Variants in ZNF532 observed in about 807,000 individuals in gnomAD.
ZNF532 encodes the protein zinc finger protein 532.
Under a neutral mutation model 89.3 loss-of-function variants are expected in ZNF532, and 22 were observed. The observed-to-expected ratio is 0.25, with a 90% confidence interval of 0.18 to 0.35. ZNF532 has a LOEUF of 0.35. Among genes scored for constraint, ZNF532 ranks in the 10% least tolerant of loss-of-function variants. ZNF532 has a pLI of 1.00. For synonymous variants in ZNF532, 606 were observed against 649.6 expected (o/e 0.93, Z 1.02); for missense variants, 1,132 against 1,643.4 (o/e 0.69, Z 5.38).
intron 3 of ZNF532, among the ~76,000 whole-genome samples, chr18:58,930,024 C>A (rs553265432): frequency 6.6e-6 from 1 of 152,224 alleles, no homozygotes; most frequent in Non-Finnish European, 1.5e-5. Context: ...CCTTTAGCTC[C>A]AATGTTTCAT....
At chr18:58,864,834 G>A (rs1232887472), upstream of ZNF532, 2 of 152,200 alleles carry the variant, frequency 1.3e-5, no homozygotes, top group Non-Finnish European at 2.9e-5. Flanking sequence ...ACTGGTTTGA[G>A]GCAGATCAGC....
chr18:58,951,927 G>A (rs139154119), intron 6 of ZNF532, among the ~76,000 whole-genome samples: 31 of 152,278 alleles, frequency 2.0e-4, no homozygotes, highest in African/African-American at 6.7e-4. Flanking sequence ...GGGATTACAG[G>A]CGTGAGCCAC....
intron 2 of ZNF532, among the ~76,000 whole-genome samples, chr18:58,913,527 G>T (rs745700414): frequency 2.6e-5 from 4 of 152,044 alleles, no homozygotes; most frequent in Non-Finnish European, 5.9e-5. Context: ...GAGGCAGGAG[G>T]ATTGTTTGAG....
At chr18:58,983,872 A>G in intron 9 of ZNF532, 100 bp from the exon 10 acceptor site, 1 of 1,457,134 alleles carries the variant, frequency 6.9e-7, no homozygotes, top group East Asian at 2.3e-5. Context: ...AGCGTTCAGC[A>G]CAAGTTTTCC....
At chr18:58,952,602 C>T (rs1170427617) in intron 6 of ZNF532, among the ~76,000 whole-genome samples, 1 of 152,104 alleles carries the variant, frequency 6.6e-6, no homozygotes, top group Non-Finnish European at 1.5e-5. Flanking sequence ...GATGGGGTCT[C>T]TCTGTGTTGC....
intron 2 of ZNF532, among the ~76,000 whole-genome samples, chr18:58,892,071 A>G (rs1324553058): frequency 6.6e-6 from 1 of 152,248 alleles, no homozygotes; most frequent in Non-Finnish European, 1.5e-5. Context: ...CATTTTAAAC[A>G]TAAAAATTAT....
Position 58,919,039 on chromosome 18 carries a change from C to A in ZNF532, c.752C>A (p.Thr251Asn). Residue 251 changes from threonine to asparagine, a missense_variant, in exon 3 of 10, where the codon ACC becomes AAC. Coordinates refer to ENST00000591808, the MANE Select transcript of ZNF532 (RefSeq NM_001375912.1). The surrounding 1 kb of genome is among the most constrained non-coding windows in gnomAD (Gnocchi z 6.1). ...AAGCTGAGCTCCGAGAAGAATGACA[C>A]CAGCCTCCCCAGCGTTGCGCCATCA... Reference protein sequence around the residue: ...DGKLSSEKNDTSLPSVAPSKT... With the variant: ...DGKLSSEKNDNSLPSVAPSKT... 3 of 1,613,900 alleles carry A rather than the reference C, an allele frequency of 1.9e-6. No individual in the cohort carries two copies. Among genetic ancestry groups the A allele is most frequent in the East Asian group, 4.5e-5 (2 of 44,878 alleles).
intron 3 of ZNF532, among the ~76,000 whole-genome samples, chr18:58,921,635 C>T (rs547708347): frequency 6.6e-6 from 1 of 152,344 alleles, no homozygotes; most frequent in Non-Finnish European, 1.5e-5. Context: ...AATTACATTT[C>T]ACAGTGGGCA....
chr18:58,913,007 G>A (rs1467866461), intron 2 of ZNF532, among the ~76,000 whole-genome samples: 2 of 152,270 alleles, frequency 1.3e-5, no homozygotes, highest in Non-Finnish European at 1.5e-5. Flanking sequence ...GTCGACCTGC[G>A]TAGCTGAACC....
chr18:58,956,938 A>G (rs576704455), intron 7 of ZNF532, among the ~76,000 whole-genome samples: 1 of 152,324 alleles, frequency 6.6e-6, no homozygotes, highest in South Asian at 2.1e-4. Context: ...CTTCTCGTGT[A>G]CAGTATATAT....
intron 3 of ZNF532, among the ~76,000 whole-genome samples, chr18:58,924,806 CT>C (rs1328279846): frequency 1.3e-5 from 2 of 152,188 alleles, no homozygotes; most frequent in Admixed American, 1.3e-4. Context: ...TCCTTAACCC[CT>C]GGCAACCACT....
At chr18:58,900,635 C>T (rs1440035011) in intron 2 of ZNF532, among the ~76,000 whole-genome samples, 1 of 152,154 alleles carries the variant, frequency 6.6e-6, no homozygotes, top group Non-Finnish European at 1.5e-5. Flanking sequence ...CCTCCCTGTC[C>T]TCCTCCTCTT....
chr18:58,870,410 G>T (rs992187388), intron 2 of ZNF532, among the ~76,000 whole-genome samples: 1 of 152,162 alleles, frequency 6.6e-6, no homozygotes, highest in African/African-American at 2.4e-5. Flanking sequence ...CAGAGCCTGG[G>T]AGAGCATCTA....
intron 7 of ZNF532, among the ~76,000 whole-genome samples, chr18:58,973,685 A>C (rs2066718934): frequency 6.6e-6 from 1 of 152,222 alleles, no homozygotes; most frequent in Admixed American, 6.5e-5. Flanking sequence ...GAATGATTAT[A>C]GTAAATGTTT....
At chr18:58,898,832 G>T (rs2059412520) in intron 2 of ZNF532, among the ~76,000 whole-genome samples, 1 of 152,210 alleles carries the variant, frequency 6.6e-6, no homozygotes, top group Admixed American at 6.5e-5. Flanking sequence ...CAGGGCAGGG[G>T]CTGTGACCTG....
chr18:58,965,697 T>C (rs1381171285), intron 7 of ZNF532, among the ~76,000 whole-genome samples: 1 of 152,274 alleles, frequency 6.6e-6, no homozygotes, highest in African/African-American at 2.4e-5. Context: ...TGGGGTCTGA[T>C]GCTTTCTGGA....
At chr18:58,948,370 CT>C in intron 6 of ZNF532, 141 bp downstream of exon 6, 1 of 751,906 alleles carries the variant, frequency 1.3e-6, no homozygotes, top group Non-Finnish European at 2.1e-6. Context: ...CAGTGAGCAA[CT>C]TACATGCTGT....
chr18:58,875,378 C>T (rs966769416), intron 2 of ZNF532, among the ~76,000 whole-genome samples: 5 of 152,162 alleles, frequency 3.3e-5, no homozygotes, highest in Non-Finnish European at 5.9e-5. Flanking sequence ...TTTTGTTATA[C>T]TTCCCTTGGA....
intron 2 of ZNF532, among the ~76,000 whole-genome samples, chr18:58,888,736 A>ATTTATTT (rs1568245273): frequency 0.014 from 731 of 51,342 alleles, 64 homozygotes; most frequent in Non-Finnish European, 0.018. Context: ...AATTATATAT[A>ATTTATTT]TATATTTTAT....
Sources: allele counts gnomAD v4.1 joint callset (sites outside exome capture counted in the v4.1 genomes callset), GRCh38; gene constraint gnomAD v4.1.1; non-coding constraint Gnocchi (gnomAD v3.1); transcripts MANE v1.5; gene names NCBI Gene and HGNC (gene_info 2026-07-23, HGNC 2026-07-21).